The following AKAP11 variants were observed in gnomAD, a reference collection of about 807,000 sequenced individuals.
AKAP11 encodes the protein A-kinase anchoring protein 11, also known as A-kinase anchor protein 11.
AKAP11 carries 36 observed loss-of-function variants against 146.1 expected under a neutral mutation model. The ratio of observed to expected loss-of-function variants is 0.25; its 90% CI spans 0.19 to 0.33. AKAP11 has a LOEUF of 0.33. Among genes scored for constraint, AKAP11 ranks in the 10% least tolerant of loss-of-function variants. AKAP11 has a pLI of 1.00. For synonymous variants in AKAP11, 780 were observed against 786.5 expected (o/e 0.99, Z 0.14); for missense variants, 2,201 against 2,197.0 (o/e 1.00, Z -0.04).
At chr13:42,286,736 G>A (rs897057544) in intron 3 of AKAP11, among the ~76,000 whole-genome samples, 1 of 152,106 alleles carries the variant, frequency 6.6e-6, no homozygotes, top group Non-Finnish European at 1.5e-5. Flanking sequence ...ATACACACTT[G>A]AGTTCTTATA....
At chr13:42,314,108 G>A (rs976438352) in intron 11 of AKAP11, among the ~76,000 whole-genome samples, 168 bp downstream of exon 11, 1 of 152,150 alleles carries the variant, frequency 6.6e-6, no homozygotes, top group Non-Finnish European at 1.5e-5. Context: ...CCTTTGTTGA[G>A]TAGTTTTATT....
rs1381756292 is a variant in AKAP11 at position 42,300,221 on chromosome 13, C to G, written c.1475C>G (p.Ala492Gly). 1 of 1,613,304 alleles carries G rather than the reference C, an allele frequency of 6.2e-7. No individual in the cohort carries two copies. The highest frequency in any genetic ancestry group is 1.7e-5 in the Admixed American group (1 of 59,828). ...GTTTATTACACCTATGAAGACTATG[C>G]AAAAAGCATTTCATGTGAAGTACTA... is the stretch of plus-strand genomic sequence containing the variant. ...DSVYYTYEDY[A>G]KSISCEVLGS... The change falls in exon 8 of 13, where the codon GCA (alanine) becomes GGA (glycine). Residue 492 changes from alanine (A) to glycine (G), a missense_variant. Around this residue, in one of 3 missense-constraint regions of AKAP11, gnomAD observed 1,867 missense variants for 1,833.5 expected, o/e 1.02. Coordinates refer to ENST00000025301, the MANE Select transcript of AKAP11 (RefSeq NM_016248.4).
At chr13:42,278,256 T>C (rs1337876254) in intron 1 of AKAP11, among the ~76,000 whole-genome samples, 1 of 152,240 alleles carries the variant, frequency 6.6e-6, no homozygotes, top group East Asian at 1.9e-4. Context: ...TCTTAATAGA[T>C]ATTAAGACAT....
rs755289772 is a variant in AKAP11, at chr13:42,303,173, C to G, written c.4427C>G (p.Ser1476Cys). Residue 1476 changes from serine (S) to cysteine (C), a missense_variant, in exon 8 of 13, where the codon TCT becomes TGT. Physicochemically the swap from Ser to Cys is moderately radical, Grantham distance 112. Transcript: ENST00000025301. ...GATGCTAAGGAAGAGTTGACAGCCT[C>G]TCTAGTTGGCCTACCAAAATCCTTA... The part of the protein sequence containing the change: ...TKDAKEELTA[S>C]LVGLPKSLTD... 2 of 1,614,208 alleles carry G rather than the reference C, an allele frequency of 1.2e-6. No homozygotes were observed. Among genetic ancestry groups the G allele is most frequent in the South Asian group, 2.2e-5 (2 of 91,088 alleles).
chr13:42,303,837 C>G lies in AKAP11; in HGVS notation c.5091C>G (p.Val1697=). The G allele has an allele frequency of 6.3e-7, 1 of 1,589,508 alleles. No homozygotes were observed. The change falls in exon 8 of 13, where the codon GTC becomes GTG. Residue 1697 remains valine, a synonymous_variant. Coordinates refer to ENST00000025301, the MANE Select transcript of AKAP11 (RefSeq NM_016248.4). The part of the protein sequence containing the change: ...SLATETMTAA[V]TNVGHAVSSS... Reference sequence around the variant, plus strand: ...CCACAGAAACCATGACAGCAGCTGTCACAAATGTTGGGCATGCTGTTAGCA... The same window carrying G: ...CCACAGAAACCATGACAGCAGCTGTGACAAATGTTGGGCATGCTGTTAGCA...
chr13:42,313,909 T>C lies in AKAP11; in HGVS notation c.5373T>C (p.Asp1791=). 6.2e-7 allele frequency: 1 copy of C among 1,613,798 alleles called. No homozygotes were observed. Among genetic ancestry groups the C allele is most frequent in the South Asian group, 1.1e-5 (1 of 91,058 alleles). The change falls in exon 11 of 13, where the codon GAT becomes GAC. Residue 1791 remains aspartate, a synonymous_variant. Transcript: ENST00000025301. ...FPTSDSDGPD[D]KDEEHEDEVE... ...TATTCATAAGTGATGGACCAGATGA[T>C]AAAGATGAAGAGCATGAGGACGAAG... is the stretch of plus-strand genomic sequence containing the variant.
rs1047264540 is a variant in AKAP11 at position 42,286,469 on chromosome 13, A to G, written c.51+70A>G. ...AAATGTTGATTTTTTTTTAAGTCCT[A>G]CAGCTATGATGTTTTGTTTAAATGA... is the stretch of plus-strand genomic sequence containing the variant. On this transcript the variant is annotated intron_variant, in intron 3 of 12. Transcript: ENST00000025301. The G allele has an allele frequency of 6.9e-6, 8 of 1,166,420 alleles. No individual in the cohort carries two copies. In the African/African-American group the frequency reaches 9.5e-5, roughly 14 times the overall value. 72.3% of individuals were successfully genotyped at this position (1,166,420 alleles called of 1,614,324 possible). A position where few individuals can be genotyped will look rare whatever the true frequency, so the allele number is the denominator to read the frequency against.
At chr13:42,297,245 A>G in intron 6 of AKAP11, 63 bp downstream of exon 6, 1 of 1,234,266 alleles carries the variant, frequency 8.1e-7, no homozygotes, top group Non-Finnish European at 1.1e-6. Context: ...TTTGATAAAG[A>G]TGATTAAACT....
At chr13:42,288,037 A>G (rs1030583802) in intron 3 of AKAP11, among the ~76,000 whole-genome samples, 1 of 152,212 alleles carries the variant, frequency 6.6e-6, no homozygotes, top group Non-Finnish European at 1.5e-5. Flanking sequence ...AGATAAAAGT[A>G]TGTGAATCCA....
chr13:42,318,842 C>T (rs1455211684), intron 12 of AKAP11, among the ~76,000 whole-genome samples: 1 of 152,132 alleles, frequency 6.6e-6, no homozygotes, highest in Non-Finnish European at 1.5e-5. Context: ...GTTTGTGGAG[C>T]TCTGTCTCCA....
At chr13:42,295,495 G>A (rs547834128) in intron 4 of AKAP11, among the ~76,000 whole-genome samples, 200 bp from the exon 5 acceptor site, 2 of 152,218 alleles carry the variant, frequency 1.3e-5, no homozygotes, top group East Asian at 3.9e-4. Context: ...GCTAGTGAGG[G>A]AGAATGGATG....
In AKAP11 at chr13:42,301,038, C is replaced by T; in HGVS notation, c.2292C>T (p.Tyr764=). Reference sequence around the variant, plus strand: ...CAGTGCAGGAATATAAAAAGGAATACACAGTGCAGCAGGCCTTGTTTTGTA... The same window carrying T: ...CAGTGCAGGAATATAAAAAGGAATATACAGTGCAGCAGGCCTTGTTTTGTA... The part of the protein sequence containing the change: ...TKPVQEYKKE[Y]TVQQALFCTS... The change falls in exon 8 of 13, where the codon TAC becomes TAT. Residue 764 remains tyrosine, a synonymous_variant. Coordinates refer to ENST00000025301, the MANE Select transcript of AKAP11 (RefSeq NM_016248.4). The T allele has an allele frequency of 6.2e-7, 1 of 1,614,122 alleles. No homozygotes were observed. Among genetic ancestry groups the T allele is most frequent in the East Asian group, 2.2e-5 (1 of 44,888 alleles).
At chr13:42,311,929 G>C (rs1327471835) in intron 9 of AKAP11, among the ~76,000 whole-genome samples, 1 of 152,132 alleles carries the variant, frequency 6.6e-6, no homozygotes, top group Non-Finnish European at 1.5e-5. Context: ...ATTTGTGACA[G>C]TTTGATCATG....
chr13:42,313,816 C>T, intron 10 of AKAP11, 78 bp from the exon 11 acceptor site: 7 of 1,242,512 alleles, frequency 5.6e-6, no homozygotes, highest in Non-Finnish European at 5.8e-6. Flanking sequence ...CATTCATTAC[C>T]ACATTTTTAA....
chr13:42,297,278 G>A lies in AKAP11; in HGVS notation c.351+96G>A, dbSNP rs922471215. The A allele has an allele frequency of 5.1e-6, 5 of 982,258 alleles. No homozygotes were observed. The African/African-American group carries it at 8.6e-5, about 17-fold the overall frequency. The allele number at this position is 982,258 out of a possible 1,614,324, so 60.8% of individuals were successfully genotyped here. A position where few individuals can be genotyped will look rare whatever the true frequency, so the allele number is the denominator to read the frequency against. On this transcript the variant is annotated intron_variant, in intron 6 of 12. Transcript: ENST00000025301. ...ACTTTTAAATGCTTGGATGACATTTGTTTTTTTTAAATGGTATCTCAAGGA... is the reference window on the plus strand; with the variant it reads ...ACTTTTAAATGCTTGGATGACATTTATTTTTTTTAAATGGTATCTCAAGGA...
At position 42,299,822 on chromosome 13, in the gene AKAP11, T is replaced by C; in HGVS notation, c.1076T>C (p.Phe359Ser). ...DSEVSEFFDS[F>S]DQFDELEQTL... is the part of the protein sequence containing the mutation. ...GAAGTAAGTGAATTTTTTGATAGTT[T>C]TGATCAGTTTGATGAACTAGAACAA... The change falls in exon 8 of 13, where the codon TTT becomes TCT. Residue 359 changes from phenylalanine (F) to serine (S), a missense_variant. Coordinates refer to ENST00000025301, the MANE Select transcript of AKAP11 (RefSeq NM_016248.4). 6.2e-7 allele frequency: 1 copy of C among 1,613,788 alleles called. No homozygotes were observed. Among genetic ancestry groups the C allele is most frequent in the South Asian group, 1.1e-5 (1 of 91,054 alleles).
chr13:42,280,561 ATTAG>A (rs1959037160), intron 1 of AKAP11, among the ~76,000 whole-genome samples: 1 of 152,190 alleles, frequency 6.6e-6, no homozygotes, highest in South Asian at 2.1e-4. Flanking sequence ...CTTTTTATTT[ATTAG>A]TTCAGCAGAT....
chr13:42,313,521 A>G (rs1007429183), intron 10 of AKAP11, among the ~76,000 whole-genome samples: 2 of 152,220 alleles, frequency 1.3e-5, no homozygotes, highest in African/African-American at 4.8e-5. Context: ...TTAAAAATAT[A>G]TATAAATTGC....
intron 6 of AKAP11, among the ~76,000 whole-genome samples, chr13:42,297,454 T>C (rs1162559337): frequency 1.3e-5 from 2 of 151,974 alleles, no homozygotes; most frequent in Non-Finnish European, 2.9e-5. Flanking sequence ...AAATTTATTA[T>C]TTCTGGATTT....
Sources: allele counts gnomAD v4.1 joint callset (sites outside exome capture counted in the v4.1 genomes callset), GRCh38; gene constraint gnomAD v4.1.1; regional missense constraint gnomAD v4.1.1; transcripts MANE v1.5; gene names NCBI Gene and HGNC (gene_info 2026-07-23, HGNC 2026-07-21).